UBN2: variants seen among roughly 807,000 people sequenced by gnomAD.
UBN2 encodes the protein ubinuclein-2.
A neutral mutation model predicts 120.2 loss-of-function variants in UBN2; 35 were observed. The ratio of observed to expected loss-of-function variants is 0.29; its 90% CI spans 0.22 to 0.39. UBN2 has a LOEUF of 0.39. Among genes scored for constraint, UBN2 ranks in the 10% least tolerant of loss-of-function variants. UBN2 has a pLI of 1.00. For synonymous variants in UBN2, 661 were observed against 648.7 expected (o/e 1.02, Z -0.29); for missense variants, 1,693 against 1,663.2 (o/e 1.02, Z -0.31).
rs1191288219 is a variant in UBN2 at position 139,298,888 on chromosome 7, G to A, written c.*1052G>A. 2.0e-5 allele frequency: 3 copies of A among 151,964 alleles called. No individual in the cohort carries two copies. The highest frequency in any genetic ancestry group is 4.4e-5 in the Non-Finnish European group (3 of 67,990). The allele number at this position is 151,964 out of a possible 1,614,324, so 9.4% of individuals were successfully genotyped here. On this transcript the variant is annotated 3_prime_UTR_variant, in exon 18 of 18. Transcript: ENST00000473989. ...GAAGTGTACACTATGTTTCTTCATT[G>A]GTCATTCAAATGGCATGAATATAGT...
At chr7:139,288,347 G>A (rs1485334799) in intron 15 of UBN2, among the ~76,000 whole-genome samples, 1 of 152,194 alleles carries the variant, frequency 6.6e-6, no homozygotes, top group Admixed American at 6.5e-5. Flanking sequence ...TGTTTGATTT[G>A]AGAATTGAAT....
chr7:139,329,389 C>CT, the UBN2 span, among the ~76,000 whole-genome samples: 1 of 127,954 alleles, frequency 7.8e-6, no homozygotes, highest in Non-Finnish European at 1.6e-5. Flanking sequence ...ACACATTAAG[C>CT]TTAAAAAAAA....
chr7:139,279,484 A>G, intron 13 of UBN2, 124 bp downstream of exon 13: 1 of 672,900 alleles, frequency 1.5e-6, no homozygotes. Context: ...GATGTTTTCA[A>G]CTTCATAATA....
the UBN2 span, among the ~76,000 whole-genome samples, chr7:139,316,751 A>C: frequency 6.6e-6 from 1 of 151,768 alleles, no homozygotes; most frequent in African/African-American, 2.4e-5. Context: ...GTCTCAAAAA[A>C]TAAAAAATTA....
chr7:139,303,793 A>G lies in UBN2; in HGVS notation c.*5957A>G, dbSNP rs1022597155. On this transcript the variant is annotated 3_prime_UTR_variant, in exon 18 of 18. Transcript: ENST00000473989. ...CACTGGAATTTTAATTTAGATACAT[A>G]TTTGTTATTTAAACATTATCTTTGA... is the stretch of plus-strand genomic sequence containing the variant. 1.3e-5 allele frequency: 2 copies of G among 152,208 alleles called. No individual in the cohort carries two copies. The highest frequency in any genetic ancestry group is 6.5e-5 in the Admixed American group (1 of 15,280). The allele number at this position is 152,208 out of a possible 1,614,324, so 9.4% of individuals were successfully genotyped here.
intron 2 of UBN2, among the ~76,000 whole-genome samples, chr7:139,242,944 G>A (rs779165985): frequency 1.3e-5 from 2 of 152,198 alleles, no homozygotes; most frequent in Non-Finnish European, 2.9e-5. Flanking sequence ...GTCTTGTGAC[G>A]ACAGGATGTT....
intron 4 of UBN2, among the ~76,000 whole-genome samples, chr7:139,258,848 G>A (rs1796844220): frequency 6.6e-6 from 1 of 152,000 alleles, no homozygotes; most frequent in Non-Finnish European, 1.5e-5. Flanking sequence ...CTCTACAAAT[G>A]TGGGCTAATA....
At chr7:139,281,722 T>C (rs1266431268) in intron 13 of UBN2, among the ~76,000 whole-genome samples, 2 of 152,238 alleles carry the variant, frequency 1.3e-5, no homozygotes, top group Non-Finnish European at 2.9e-5. Context: ...TTTATACTAG[T>C]AATACTTCCA....
chr7:139,321,259 A>T, the UBN2 span, among the ~76,000 whole-genome samples: 1 of 152,168 alleles, frequency 6.6e-6, no homozygotes, highest in South Asian at 2.1e-4. Context: ...GCCGTGGCGG[A>T]ATGTGAGAGG....
chr7:139,271,936 A>G lies in UBN2; in HGVS notation c.1597-386A>G, dbSNP rs182993716. On this transcript the variant is annotated intron_variant, in intron 8 of 17. Transcript: ENST00000473989. Reference sequence around the variant, plus strand: ...GTCTTCGTGTTCCAGAGCAGTGTCTATTCTTAGGGTACTGGTTTCCCATCA... The same window carrying G: ...GTCTTCGTGTTCCAGAGCAGTGTCTGTTCTTAGGGTACTGGTTTCCCATCA... 3.6e-3 allele frequency among the ~76,000 whole-genome samples: 549 copies of G among 152,290 alleles called. 1 individual carries two copies. The highest frequency in any genetic ancestry group is 3.0e-3 in the Non-Finnish European group (204 of 68,030).
Position 139,302,698 on chromosome 7 carries a change from A to G in UBN2, c.*4862A>G, listed in dbSNP as rs989635676. The G allele has an allele frequency of 6.6e-6, 1 of 152,162 alleles. No homozygotes were observed. The highest frequency in any genetic ancestry group is 2.4e-5 in the African/African-American group (1 of 41,444). The allele number at this position is 152,162 out of a possible 1,614,324, so 9.4% of individuals were successfully genotyped here. ...AGACTCCGTCTCAAAAAAAGAAAAT[A>G]AAAGTATAGAAAAGTATCTTTTCAC... On this transcript the variant is annotated 3_prime_UTR_variant, in exon 18 of 18. Transcript: ENST00000473989.
intron 10 of UBN2, among the ~76,000 whole-genome samples, chr7:139,273,702 A>G (rs1479013809): frequency 3.3e-5 from 5 of 152,210 alleles, no homozygotes; most frequent in Admixed American, 1.3e-4. Flanking sequence ...CATCTTTCTC[A>G]ATAGTATTTC....
At chr7:139,270,126 T>G (rs972795388) in intron 8 of UBN2, among the ~76,000 whole-genome samples, 1 of 152,218 alleles carries the variant, frequency 6.6e-6, no homozygotes, top group Non-Finnish European at 1.5e-5. Flanking sequence ...ATCACATATA[T>G]TTGTATCCCT....
chr7:139,262,147 G>A (rs1796956626), intron 6 of UBN2, among the ~76,000 whole-genome samples: 1 of 151,700 alleles, frequency 6.6e-6, no homozygotes, highest in Non-Finnish European at 1.5e-5. Context: ...CGTCACACAG[G>A]CTGGAGTGCA....
intron 15 of UBN2, among the ~76,000 whole-genome samples, chr7:139,287,070 T>C (rs1797812449): frequency 6.6e-6 from 1 of 152,186 alleles, no homozygotes; most frequent in Non-Finnish European, 1.5e-5. Context: ...TGTTAAAATG[T>C]ATATGGAGAT....
rs201511798 is a variant in UBN2 at position 139,283,666 on chromosome 7, T to G, written c.2761T>G (p.Ser921Ala). The G allele has an allele frequency of 1.3e-3, 2,179 of 1,614,184 alleles. 8 individuals carry two copies. Among genetic ancestry groups the G allele is most frequent in the Middle Eastern group, 3.1e-3 (19 of 6,062 alleles). ...GGGAACATCCGAGGCCCAAGATGCTTCTTCGTTAACACAAGTAACAAAGGT... is the reference window on the plus strand; with the variant it reads ...GGGAACATCCGAGGCCCAAGATGCTGCTTCGTTAACACAAGTAACAAAGGT... Reference protein sequence around the residue: ...ALGTSEAQDASSLTQVTKVHQ... With the variant: ...ALGTSEAQDAASLTQVTKVHQ... Residue 921 changes from serine (S) to alanine (A), a missense_variant, in exon 15 of 18, where the codon TCT becomes GCT. Coordinates refer to ENST00000473989, the MANE Select transcript of UBN2 (RefSeq NM_173569.4).
At chr7:139,246,495 C>T (rs1406114334) in intron 2 of UBN2, among the ~76,000 whole-genome samples, 1 of 152,116 alleles carries the variant, frequency 6.6e-6, no homozygotes, top group African/African-American at 2.4e-5. Flanking sequence ...ATCATGGCAA[C>T]AAAGATTTAT....
the UBN2 span, among the ~76,000 whole-genome samples, chr7:139,322,034 C>T: frequency 3.3e-5 from 5 of 152,056 alleles, no homozygotes; most frequent in African/African-American, 1.2e-4. Flanking sequence ...AGTGCAGTGG[C>T]ACAATCTCAG....
At chr7:139,285,066 T>C (rs913932701) in intron 15 of UBN2, among the ~76,000 whole-genome samples, 2 of 152,210 alleles carry the variant, frequency 1.3e-5, no homozygotes, top group Non-Finnish European at 2.9e-5. Context: ...CTTCTCGAAA[T>C]TTTTATTTTG....
Sources: gnomAD v4.1 joint callset for allele counts (sites outside exome capture counted in the v4.1 genomes callset) on GRCh38, gnomAD v4.1.1 for gene constraint, MANE v1.5 for transcripts, NCBI Gene and HGNC (gene_info 2026-07-23, HGNC 2026-07-21) for gene names.